The following PRP4K variants were observed in gnomAD, a reference collection of about 807,000 sequenced individuals.
PRP4K encodes the protein pre-mRNA processing factor kinase PRP4K, also known as serine/threonine-protein kinase PRP4 homolog.
the PRP4K span, chr6:4,062,770 A>G: frequency 2.0e-5 from 3 of 152,608 alleles, no homozygotes; most frequent in Non-Finnish European, 2.9e-5. This position sits in a 1 kb window ranked among gnomAD's most constrained non-coding sequence, Gnocchi z 4.2. Context: ...GGTGATTTTC[A>G]TCTTCAGGTA....
chr6:4,023,010 C>G, the PRP4K span, among the ~76,000 whole-genome samples: 8 of 152,288 alleles, frequency 5.3e-5, no homozygotes, highest in East Asian at 3.9e-4. Flanking sequence ...TAGGCCTCTG[C>G]TGTATGAGTA....
the PRP4K span, among the ~76,000 whole-genome samples, chr6:4,039,720 C>G: frequency 6.6e-6 from 1 of 152,074 alleles, no homozygotes; most frequent in Non-Finnish European, 1.5e-5. Flanking sequence ...ATATTCAGCT[C>G]AATTTGATCT....
chr6:4,056,469 C>A, the PRP4K span: 1 of 1,611,640 alleles, frequency 6.2e-7, no homozygotes, highest in South Asian at 1.1e-5. Flanking sequence ...CCTGGGCCAT[C>A]ATATGTGGTG....
the PRP4K span, among the ~76,000 whole-genome samples, chr6:4,046,632 T>C: frequency 3.9e-5 from 6 of 152,046 alleles, no homozygotes; most frequent in Admixed American, 2.6e-4. Flanking sequence ...AAACTAAGAA[T>C]AGTAAAAGTT....
the PRP4K span, chr6:4,050,391 G>A: frequency 6.5e-6 from 4 of 611,574 alleles, no homozygotes; most frequent in South Asian, 1.1e-4. Flanking sequence ...TGGAACAACA[G>A]GCTGATTATT....
At chr6:4,056,497 G>A in the PRP4K span, 160 of 1,611,738 alleles carry the variant, frequency 9.9e-5, no homozygotes, top group African/African-American at 2.0e-3. Flanking sequence ...CATACTTAAT[G>A]TCTAAGCACT....
At chr6:4,063,876 TTTA>T in the PRP4K span, 1 of 152,172 alleles carries the variant, frequency 6.6e-6, no homozygotes, top group African/African-American at 2.4e-5. Flanking sequence ...ATTTTTTGCT[TTTA>T]TTATACTTTA....
the PRP4K span, chr6:4,047,272 TAAAAC>T: frequency 4.1e-5 from 63 of 1,554,772 alleles, 1 homozygote; most frequent in African/African-American, 1.1e-4. Flanking sequence ...AATCAAGTGT[TAAAAC>T]AAAAAAAAAT....
At chr6:4,023,576 T>G in the PRP4K span, among the ~76,000 whole-genome samples, 3 of 152,210 alleles carry the variant, frequency 2.0e-5, no homozygotes, top group Non-Finnish European at 2.9e-5. Context: ...GAAAGATACA[T>G]TTTTTGATGT....
the PRP4K span, among the ~76,000 whole-genome samples, chr6:4,029,588 A>G: frequency 6.6e-6 from 1 of 152,186 alleles, no homozygotes; most frequent in African/African-American, 2.4e-5. Flanking sequence ...CCTGGGTTCA[A>G]GTGATCCTCC....
chr6:4,035,044 T>C, the PRP4K span, among the ~76,000 whole-genome samples: 12 of 152,164 alleles, frequency 7.9e-5, no homozygotes, highest in East Asian at 2.3e-3. Flanking sequence ...CTGTTCTTTT[T>C]ATACTAGTTT....
chr6:4,047,378 GAA>G, the PRP4K span: 1 of 802,756 alleles, frequency 1.2e-6, no homozygotes, highest in East Asian at 2.8e-5. Context: ...AAAGGAATCT[GAA>G]AACTCTACTA....
At chr6:4,031,619 C>A in the PRP4K span, 9 of 1,590,970 alleles carry the variant, frequency 5.7e-6, no homozygotes, top group Non-Finnish European at 7.7e-6. Flanking sequence ...TATCAGAAGA[C>A]CAGTCTCAAA....
chr6:4,064,717 T>C, the PRP4K span: 2 of 152,650 alleles, frequency 1.3e-5, no homozygotes, highest in Admixed American at 6.5e-5. Flanking sequence ...ATGTCAATAA[T>C]GTATGCTAAA....
At chr6:4,032,157 A>G in the PRP4K span, 1 of 1,613,828 alleles carries the variant, frequency 6.2e-7, no homozygotes, top group South Asian at 1.1e-5. Flanking sequence ...GAAAACAACT[A>G]GGAGCAAGTC....
the PRP4K span, chr6:4,060,297 A>G: frequency 1.1e-6 from 1 of 911,606 alleles, no homozygotes; most frequent in Admixed American, 2.7e-5. This position sits in a 1 kb window ranked among gnomAD's most constrained non-coding sequence, Gnocchi z 4.7. Flanking sequence ...GTGTGTATAT[A>G]TTTTGTATGT....
chr6:4,022,215 A>C, the PRP4K span, among the ~76,000 whole-genome samples: 1 of 126,048 alleles, frequency 7.9e-6, no homozygotes, highest in South Asian at 2.7e-4. Flanking sequence ...GACGAGTGGA[A>C]GGAGTAGTGG....
chr6:4,041,079 T>C, the PRP4K span: 3 of 876,866 alleles, frequency 3.4e-6, no homozygotes, highest in Non-Finnish European at 5.1e-6. Flanking sequence ...GAATATTGTG[T>C]AGGTTGTATC....
the PRP4K span, among the ~76,000 whole-genome samples, chr6:4,031,173 T>G: frequency 1.3e-5 from 2 of 152,198 alleles, no homozygotes; most frequent in Non-Finnish European, 2.9e-5. Context: ...CCTTTGGTTG[T>G]TAATGTGTGA....
Sources: allele counts gnomAD v4.1 joint callset (sites outside exome capture counted in the v4.1 genomes callset), GRCh38; gene constraint gnomAD v4.1.1; non-coding constraint Gnocchi (gnomAD v3.1); transcripts MANE v1.5; gene names NCBI Gene and HGNC (gene_info 2026-07-23, HGNC 2026-07-21).